The following IQSEC1 variants were observed in gnomAD, a reference collection of about 807,000 sequenced individuals.
IQSEC1 encodes the protein IQ motif and SEC7 domain-containing protein 1.
A neutral mutation model predicts 91.0 loss-of-function variants in IQSEC1; 31 were observed. The observed-to-expected ratio is 0.34, with a 90% CI of 0.26 to 0.46. The LOEUF (loss-of-function observed/expected upper bound fraction) is 0.46, where lower values mean the gene tolerates loss of function less well. IQSEC1 is among the 20% of genes least tolerant of loss of function. The pLI, the probability that IQSEC1 is intolerant of heterozygous loss-of-function variation, is 1.00. For missense variants in IQSEC1, 1,388 were observed against 1,575.6 expected, an observed-to-expected ratio of 0.88 and a Z score of 2.02; for synonymous variants, 699 against 662.6, an observed-to-expected ratio of 1.05 and a Z score of -0.84.
intron 1 of IQSEC1, among the ~76,000 whole-genome samples, chr3:12,978,367 A>AC (rs533368322): frequency 2.2e-3 from 332 of 152,084 alleles, no homozygotes; most frequent in African/African-American, 6.4e-3. Context: ...GCAAATTCCC[A>AC]CCCCCCAGAT....
intron 2 of IQSEC1, among the ~76,000 whole-genome samples, chr3:13,152,151 T>A (rs953742108): frequency 4.6e-5 from 7 of 152,176 alleles, no homozygotes; most frequent in African/African-American, 1.2e-4. Context: ...GGAGGCTGCA[T>A]CTTAGATGCT....
intron 1 of IQSEC1, among the ~76,000 whole-genome samples, chr3:13,268,181 C>T (rs1695529950): frequency 6.6e-6 from 1 of 152,218 alleles, no homozygotes; most frequent in South Asian, 2.1e-4. Flanking sequence ...CAGAGGAGGG[C>T]CACAGGGCCA....
At chr3:13,159,475 G>T (rs1189404631) in intron 2 of IQSEC1, among the ~76,000 whole-genome samples, 1 of 152,126 alleles carries the variant, frequency 6.6e-6, no homozygotes, top group Non-Finnish European at 1.5e-5. Context: ...ACTGAGTGAG[G>T]CATGAAAGGG....
At chr3:12,977,280 C>T (rs1701227279) in intron 1 of IQSEC1, among the ~76,000 whole-genome samples, 1 of 151,456 alleles carries the variant, frequency 6.6e-6, no homozygotes, top group African/African-American at 2.4e-5. Flanking sequence ...CCCAAGAGTT[C>T]AAGGCTGCAG....
At chr3:13,242,562 G>C (rs17037952) in intron 1 of IQSEC1, among the ~76,000 whole-genome samples, 5,443 of 152,296 alleles carry the variant, frequency 0.036, 330 homozygotes, top group African/African-American at 0.12. Flanking sequence ...TGAAGCCTCT[G>C]TGTCCGTCCA....
At chr3:12,903,237 G>A (rs924133804) in intron 12 of IQSEC1, among the ~76,000 whole-genome samples, 3 of 152,188 alleles carry the variant, frequency 2.0e-5, no homozygotes, top group East Asian at 1.9e-4. Context: ...CAAACAGCAT[G>A]GCAGGTACTG....
intron 1 of IQSEC1, among the ~76,000 whole-genome samples, chr3:12,972,929 T>G (rs1220290818): frequency 6.6e-6 from 1 of 152,206 alleles, no homozygotes; most frequent in African/African-American, 2.4e-5. Flanking sequence ...GAGTGGCACC[T>G]CAGGGAAGCC....
At chr3:13,260,563 CA>C (rs905272445) in intron 1 of IQSEC1, among the ~76,000 whole-genome samples, 1 of 152,202 alleles carries the variant, frequency 6.6e-6, no homozygotes, top group African/African-American at 2.4e-5. Flanking sequence ...AGGGAATCTG[CA>C]AAAGTCCTGG....
intron 1 of IQSEC1, among the ~76,000 whole-genome samples, chr3:13,071,160 T>G (rs1460657703): frequency 1.0e-4 from 12 of 119,912 alleles, no homozygotes; most frequent in East Asian, 3.2e-4. Flanking sequence ...TTTGTTTTTT[T>G]TTTTTTGTTT....
chr3:13,100,085 G>A (rs546402530), intron 2 of IQSEC1, among the ~76,000 whole-genome samples: 4 of 148,206 alleles, frequency 2.7e-5, no homozygotes, highest in South Asian at 4.3e-4. Flanking sequence ...CGCTGGATTT[G>A]TGCTGAGAAC....
chr3:13,255,879 A>C (rs1056266903), intron 1 of IQSEC1, among the ~76,000 whole-genome samples: 6 of 152,202 alleles, frequency 3.9e-5, no homozygotes, highest in African/African-American at 1.4e-4. Flanking sequence ...AGGGGTTCCA[A>C]CTCAGAGGCA....
rs1464134547 is a variant in IQSEC1 at position 13,223,107 on chromosome 3, C to A, written c.273-58974G>T. 3.3e-5 allele frequency among the ~76,000 whole-genome samples: 5 copies of A among 152,342 alleles called. No individual in the cohort carries two copies. In the East Asian group the frequency reaches 9.6e-4, roughly 29 times the overall value. On this transcript the variant is annotated intron_variant, in intron 1 of 15. Transcript: ENST00000648114. ...TTGGGGGAGGTGTGACCCATCCAGA[C>A]CCCCGGCTTGCCCGGCCAGTGGGCA...
intron 1 of IQSEC1, among the ~76,000 whole-genome samples, chr3:13,166,516 T>C (rs951456692): frequency 6.6e-6 from 1 of 152,206 alleles, no homozygotes; most frequent in Non-Finnish European, 1.5e-5. Context: ...CCTTACTGGC[T>C]TCCAGGTGGC....
intron 1 of IQSEC1, among the ~76,000 whole-genome samples, chr3:13,276,325 T>C (rs1435701335): frequency 6.6e-6 from 1 of 152,052 alleles, no homozygotes; most frequent in African/African-American, 2.4e-5. Context: ...CCTGACCTCG[T>C]GATCCGCCCG....
intron 3 of IQSEC1, among the ~76,000 whole-genome samples, chr3:12,934,538 C>T (rs558391125): frequency 6.6e-6 from 1 of 152,150 alleles, no homozygotes; most frequent in Non-Finnish European, 1.5e-5. Context: ...TCGTCTGCCC[C>T]TGGCTCCCCG....
chr3:13,262,348 T>C (rs563728182), intron 1 of IQSEC1, among the ~76,000 whole-genome samples: 1 of 152,320 alleles, frequency 6.6e-6, no homozygotes, highest in Non-Finnish European at 1.5e-5. Flanking sequence ...AGCAAGCCTG[T>C]CCCCGTCCCT....
chr3:12,954,859 C>A (rs1576032336), intron 1 of IQSEC1, among the ~76,000 whole-genome samples: 1 of 152,224 alleles, frequency 6.6e-6, no homozygotes, highest in Non-Finnish European at 1.5e-5. Context: ...GGACAGGATG[C>A]CCCGCAGTCA....
intron 1 of IQSEC1, among the ~76,000 whole-genome samples, chr3:13,229,724 C>T (rs905434157): frequency 3.9e-5 from 6 of 152,198 alleles, no homozygotes; most frequent in East Asian, 1.9e-4. Context: ...ACACACTGTT[C>T]CCCCTGCTGG....
At chr3:13,201,311 T>C (rs1229965554) in intron 1 of IQSEC1, among the ~76,000 whole-genome samples, 1 of 152,140 alleles carries the variant, frequency 6.6e-6, no homozygotes, top group Non-Finnish European at 1.5e-5. Context: ...GGAGGAGACA[T>C]TGGGAAAGGC....
Sources: allele counts gnomAD v4.1 joint callset (sites outside exome capture counted in the v4.1 genomes callset), GRCh38; gene constraint gnomAD v4.1.1; transcripts MANE v1.5; gene names NCBI Gene and HGNC (gene_info 2026-07-23, HGNC 2026-07-21).